Variants in SLC16A14 observed in about 807,000 individuals in gnomAD.
SLC16A14 encodes the protein monocarboxylate transporter 14.
A neutral mutation model predicts 35.8 loss-of-function variants in SLC16A14; 14 were observed. The observed-to-expected ratio is 0.39, with a 90% CI of 0.26 to 0.61. SLC16A14 has a LOEUF of 0.61. SLC16A14 is among the 20% of genes least tolerant of loss of function. The pLI is 0.51. For missense variants in SLC16A14, 533 were observed against 655.0 expected (o/e 0.81, Z 2.03); for synonymous variants, 248 against 258.9 (o/e 0.96, Z 0.40).
intron 1 of SLC16A14, among the ~76,000 whole-genome samples, chr2:230,066,304 GA>G (rs968762381): frequency 6.4e-5 from 9 of 141,320 alleles, no homozygotes; most frequent in East Asian, 2.0e-4. Flanking sequence ...ACTACCTCAA[GA>G]AAAAAAAAAA....
At chr2:230,060,010 T>A (rs4528743) in intron 1 of SLC16A14, among the ~76,000 whole-genome samples, 2 of 151,914 alleles carry the variant, frequency 1.3e-5, no homozygotes, top group African/African-American at 2.4e-5. Flanking sequence ...TATACAAGAC[T>A]CATACTTTAC....
intron 1 of SLC16A14, among the ~76,000 whole-genome samples, chr2:230,060,378 C>G (rs1018866723): frequency 1.3e-5 from 2 of 152,150 alleles, no homozygotes; most frequent in Non-Finnish European, 2.9e-5. Flanking sequence ...GGGTCTTGCT[C>G]TGTCACCCAG....
rs759922874 is a variant in SLC16A14 at position 230,046,189 on chromosome 2, T to C, written c.937A>G (p.Asn313Asp). ...AAAATAAAGGCTACAAACATTCGAT[T>C]TGTAAATAGAGAGGCTGTCCCAAAG... ...GYFGTASLFT[N>D]RMFVAFIFWA... Residue 313 changes from asparagine to aspartate, a missense_variant, in exon 4 of 5, where the codon AAT becomes GAT. Coordinates refer to ENST00000295190, the MANE Select transcript of SLC16A14 (RefSeq NM_152527.5). This position sits in a 1 kb window ranked among gnomAD's most constrained non-coding sequence, Gnocchi z 5.0. The C allele has an allele frequency of 6.2e-7, 1 of 1,614,158 alleles. No individual in the cohort carries two copies. The highest frequency in any genetic ancestry group is 1.7e-5 in the Admixed American group (1 of 60,020).
chr2:230,065,132 G>A (rs1221805153), intron 1 of SLC16A14, among the ~76,000 whole-genome samples: 1 of 152,270 alleles, frequency 6.6e-6, no homozygotes, highest in African/African-American at 2.4e-5. Flanking sequence ...TATGGGTGAA[G>A]AGATGTAGGT....
At chr2:230,042,713 C>G (rs1482056096) in intron 4 of SLC16A14, among the ~76,000 whole-genome samples, 1 of 152,214 alleles carries the variant, frequency 6.6e-6, no homozygotes, top group African/African-American at 2.4e-5. Context: ...CAATTCTTTT[C>G]TCCTTTCCTT....
chr2:230,060,692 GA>G lies in SLC16A14; in HGVS notation c.-14-1327del, dbSNP rs748934587. 7.0e-3 allele frequency among the ~76,000 whole-genome samples: 889 copies of G among 126,780 alleles called. 9 individuals carry two copies. The highest frequency in any genetic ancestry group is 0.021 in the African/African-American group (680 of 32,602). The allele number at this position is 126,780 out of a possible 152,430, so 83.2% of individuals were successfully genotyped here. ...CATTTTTCATGGTTTTTTTTGGGGGGAGGGGATGAGAATTAAGTGTGTGTAT... is the reference window on the plus strand; with the variant it reads ...CATTTTTCATGGTTTTTTTTGGGGGGGGGGATGAGAATTAAGTGTGTGTAT... On this transcript the variant is annotated intron_variant, in intron 1 of 4. Transcript: ENST00000295190.
intron 1 of SLC16A14, among the ~76,000 whole-genome samples, chr2:230,061,952 G>C (rs960557090): frequency 6.6e-6 from 1 of 152,102 alleles, no homozygotes; most frequent in Non-Finnish European, 1.5e-5. Context: ...ATGATGGCCA[G>C]ACTGGTCTTG....
chr2:230,042,931 T>C (rs1560470995), intron 4 of SLC16A14, among the ~76,000 whole-genome samples: 1 of 152,196 alleles, frequency 6.6e-6, no homozygotes, highest in African/African-American at 2.4e-5. Context: ...GCAGTCAGCA[T>C]GAGGAAAGGG....
chr2:230,049,735 G>A (rs2077642225), intron 3 of SLC16A14, 26 bp downstream of exon 3: 3 of 1,605,214 alleles, frequency 1.9e-6, no homozygotes, highest in African/African-American at 1.3e-5. Flanking sequence ...ATTTAAAATC[G>A]AGTTTAAAAA....
chr2:230,067,983 A>G (rs1180176586), intron 1 of SLC16A14: 2 of 149,978 alleles, frequency 1.3e-5, no homozygotes, highest in African/African-American at 4.9e-5. Flanking sequence ...CCACATCCCC[A>G]CTTCGGGCAC....
rs1416853852 is a variant in SLC16A14, at chr2:230,045,854, T to C, written c.1272A>G (p.Leu424=). Residue 424 remains leucine, a synonymous_variant, in exon 4 of 5, where the codon CTA becomes CTG. Coordinates refer to ENST00000295190, the MANE Select transcript of SLC16A14 (RefSeq NM_152527.5). Reference sequence around the variant, plus strand: ...CCAAGTCTTCAGTCACTACGGGCATTAGGGAGAAATAACCACTGGAAAACC... The same window carrying C: ...CCAAGTCTTCAGTCACTACGGGCATCAGGGAGAAATAACCACTGGAAAACC... ...LIGFSSGYFS[L]MPVVTEDLVG... 1 of 1,613,888 alleles carries C rather than the reference T, an allele frequency of 6.2e-7. No individual in the cohort carries two copies. The highest frequency in any genetic ancestry group is 8.5e-7 in the Non-Finnish European group (1 of 1,179,952).
intron 2 of SLC16A14, among the ~76,000 whole-genome samples, chr2:230,051,918 A>G (rs2077662635): frequency 6.6e-6 from 1 of 151,470 alleles, no homozygotes; most frequent in Admixed American, 6.6e-5. Context: ...CTTAGAATAG[A>G]CTTAATATAT....
At position 230,037,429 on chromosome 2, in the gene SLC16A14, C is replaced by A. The variant is rs753933261; in HGVS notation, c.1484G>T (p.Arg495Leu). The change falls in exon 5 of 5, where the codon CGA (arginine) becomes CTA (leucine). Residue 495 changes from arginine (R) to leucine (L), a missense_variant. Transcript: ENST00000295190. ...TTTTCTTCTGGATTGTTCTATAATTCGAATGCACGGCTGAATAAGTAAAAA... is the reference window on the plus strand; with the variant it reads ...TTTTCTTCTGGATTGTTCTATAATTAGAATGCACGGCTGAATAAGTAAAAA... ...ILFLLIQPCI[R>L]IIEQSRRKYM... 1.9e-6 allele frequency: 3 copies of A among 1,612,672 alleles called. No homozygotes were observed. Among genetic ancestry groups the A allele is most frequent in the African/African-American group, 2.7e-5 (2 of 74,932 alleles).
intron 2 of SLC16A14, among the ~76,000 whole-genome samples, chr2:230,057,037 C>T (rs186806985): frequency 7.2e-5 from 11 of 152,028 alleles, no homozygotes; most frequent in African/African-American, 1.9e-4. Context: ...CGCACAAAAC[C>T]GAAAAAGATT....
At chr2:230,055,769 G>A (rs1256786875) in intron 2 of SLC16A14, among the ~76,000 whole-genome samples, 2 of 152,126 alleles carry the variant, frequency 1.3e-5, no homozygotes, top group Non-Finnish European at 2.9e-5. Flanking sequence ...TCATATCCTG[G>A]CCTTCTTCTG....
At chr2:230,054,603 G>T (rs566124616) in intron 2 of SLC16A14, among the ~76,000 whole-genome samples, 2 of 152,210 alleles carry the variant, frequency 1.3e-5, no homozygotes, top group South Asian at 4.1e-4. Context: ...AAAGGCACAG[G>T]TAACAGACTG....
rs905136328 is a variant in SLC16A14, at chr2:230,063,034, T to A, written c.-14-3668A>T. Among the ~76,000 whole-genome samples the A allele has an allele frequency of 2.6e-5, 4 of 152,258 alleles. No individual in the cohort carries two copies. The East Asian group carries it at 7.7e-4, about 29-fold the overall frequency. ...CCGGCGCAGTGGTTCAAGCCTGTAA[T>A]CCCAGCACTTTGGGAGGCTGAGGTG... On this transcript the variant is annotated intron_variant, in intron 1 of 4. Coordinates refer to ENST00000295190, the MANE Select transcript of SLC16A14 (RefSeq NM_152527.5).
At chr2:230,063,014 G>A (rs1199623114) in intron 1 of SLC16A14, among the ~76,000 whole-genome samples, 2 of 152,046 alleles carry the variant, frequency 1.3e-5, no homozygotes, top group Non-Finnish European at 2.9e-5. Context: ...CCAGGCCGGC[G>A]CAGTGGTTCA....
At chr2:230,039,783 A>G (rs2077545489) in intron 4 of SLC16A14, among the ~76,000 whole-genome samples, 1 of 152,246 alleles carries the variant, frequency 6.6e-6, no homozygotes, top group Non-Finnish European at 1.5e-5. Flanking sequence ...ACTAACAAAC[A>G]GCTGAACGGC....
Sources: allele counts gnomAD v4.1 joint callset (sites outside exome capture counted in the v4.1 genomes callset), GRCh38; gene constraint gnomAD v4.1.1; non-coding constraint Gnocchi (gnomAD v3.1); transcripts MANE v1.5; gene names NCBI Gene and HGNC (gene_info 2026-07-23, HGNC 2026-07-21).